The following AUTS2 variants were observed in gnomAD, a reference collection of about 807,000 sequenced individuals.
AUTS2 encodes autism susceptibility gene 2 protein.
In AUTS2, 17 loss-of-function variants were observed where a neutral mutation model predicts 112.4. The observed-to-expected ratio is 0.15, with a 90% confidence interval of 0.10 to 0.23. The LOEUF is 0.23. Ranked by LOEUF, AUTS2 falls within the 10% of genes least tolerant of loss-of-function variation. The pLI is 1.00. For synonymous variants in AUTS2, 751 were observed against 702.7 expected, an observed-to-expected ratio of 1.07 and a Z score of -1.09; for missense variants, 1,510 against 1,701.6, an observed-to-expected ratio of 0.89 and a Z score of 1.98.
intron 5 of AUTS2, among the ~76,000 whole-genome samples, chr7:70,695,554 C>G (rs955373337): frequency 6.6e-6 from 1 of 152,064 alleles, no homozygotes; most frequent in South Asian, 2.1e-4. Flanking sequence ...GTTCGAAAGC[C>G]CCCCTTCTCG....
chr7:70,362,644 G>A lies in AUTS2; in HGVS notation c.661-73108G>A, dbSNP rs114330988. On this transcript the variant is annotated intron_variant, in intron 4 of 18. Coordinates refer to ENST00000342771, the MANE Select transcript of AUTS2 (RefSeq NM_015570.4). Reference sequence around the variant, plus strand: ...CCTCCCTCCCTCTCTCCTTCCTCCCGTCCTCTCTTCCTTCCTCCCTCCCTT... The same window carrying A: ...CCTCCCTCCCTCTCTCCTTCCTCCCATCCTCTCTTCCTTCCTCCCTCCCTT... Among the ~76,000 whole-genome samples the A allele has an allele frequency of 7.9e-3, 1,149 of 146,038 alleles. 20 individuals carry two copies. The highest frequency in any genetic ancestry group is 0.028 in the African/African-American group (1,102 of 39,488).
chr7:70,285,621 T>C (rs942129733), intron 4 of AUTS2, among the ~76,000 whole-genome samples: 1 of 152,212 alleles, frequency 6.6e-6, no homozygotes, highest in African/African-American at 2.4e-5. Flanking sequence ...TTCAGCTGCT[T>C]CCATGTACTG....
chr7:70,745,778 A>G (rs1334807441), intron 6 of AUTS2, among the ~76,000 whole-genome samples: 6 of 152,222 alleles, frequency 3.9e-5, no homozygotes, highest in Non-Finnish European at 1.5e-5. Flanking sequence ...TATATTGAAA[A>G]TAGTTCCTTA....
chr7:70,684,330 C>A (rs988299075), intron 5 of AUTS2, among the ~76,000 whole-genome samples: 2 of 152,300 alleles, frequency 1.3e-5, no homozygotes, highest in East Asian at 3.9e-4. Context: ...AACCACAAAA[C>A]CTGGGAAGGT....
At chr7:70,095,875 C>G (rs1277622154) in intron 2 of AUTS2, among the ~76,000 whole-genome samples, 1 of 152,178 alleles carries the variant, frequency 6.6e-6, no homozygotes, top group Non-Finnish European at 1.5e-5. Flanking sequence ...TTGATCCATA[C>G]AGGAACTATA....
intron 4 of AUTS2, among the ~76,000 whole-genome samples, chr7:70,244,732 T>G (rs1812805374): frequency 6.6e-6 from 1 of 152,226 alleles, no homozygotes; most frequent in Admixed American, 6.5e-5. Flanking sequence ...TTGGATCATG[T>G]GAAAAATGAT....
chr7:70,766,193 T>C lies in AUTS2; in HGVS notation c.1548T>C (p.Pro516=), dbSNP rs200883638. The C allele has an allele frequency of 1.2e-6, 2 of 1,614,124 alleles. No individual in the cohort carries two copies. Among genetic ancestry groups the C allele is most frequent in the East Asian group, 4.5e-5 (2 of 44,862 alleles). Residue 516 remains proline (P), a synonymous_variant, in exon 9 of 19, where the codon CCT becomes CCC. Transcript: ENST00000342771. The surrounding 1 kb of genome is among the most constrained non-coding windows in gnomAD (Gnocchi z 4.8). ...QSADRGASLG[P]PPYLRTEFHQ... The stretch of plus-strand genomic sequence containing the variant: ...CTGACCGCGGGGCTTCCCTGGGCCC[T>C]CCGCCCTACCTGCGGACCGAGTTCC...
At chr7:70,607,639 T>C (rs1453976745) in intron 5 of AUTS2, among the ~76,000 whole-genome samples, 1 of 152,188 alleles carries the variant, frequency 6.6e-6, no homozygotes, top group Non-Finnish European at 1.5e-5. Context: ...GACGCTGCAG[T>C]TCAGCGTGCA....
In AUTS2 at chr7:69,897,828, G is replaced by T. The variant is rs534986713; in HGVS notation, c.310-1458G>T. Among the ~76,000 whole-genome samples the T allele has an allele frequency of 1.1e-4, 16 of 152,232 alleles. No individual in the cohort carries two copies. The East Asian group carries it at 3.1e-3, about 29-fold the overall frequency. ...AAGGCTCAAGGTCTCAGACTAATAG[G>T]AATGGCTGATTTGGGGAGAGATGTC... On this transcript the variant is annotated intron_variant, in intron 1 of 18. Coordinates refer to ENST00000342771, the MANE Select transcript of AUTS2 (RefSeq NM_015570.4).
intron 6 of AUTS2, among the ~76,000 whole-genome samples, chr7:70,733,157 G>C (rs1277629825): frequency 6.6e-6 from 1 of 152,116 alleles, no homozygotes; most frequent in Admixed American, 6.6e-5. Context: ...AAAAAAGTTA[G>C]GCTCCTGAGC....
At chr7:70,613,535 G>C (rs1271441406) in intron 5 of AUTS2, among the ~76,000 whole-genome samples, 1 of 152,140 alleles carries the variant, frequency 6.6e-6, no homozygotes, top group Non-Finnish European at 1.5e-5. Context: ...TCAGAGGCAG[G>C]CCACAGGAGA....
At chr7:70,146,422 GT>G (rs1456189769) in intron 4 of AUTS2, among the ~76,000 whole-genome samples, 4 of 151,880 alleles carry the variant, frequency 2.6e-5, no homozygotes, top group African/African-American at 4.8e-5. Flanking sequence ...TCTCCTGTAC[GT>G]TTGTGTTTGT....
intron 2 of AUTS2, among the ~76,000 whole-genome samples, chr7:69,951,520 G>A (rs1320012278): frequency 4.6e-5 from 7 of 152,182 alleles, no homozygotes; most frequent in African/African-American, 1.4e-4. Context: ...AGAGATAGTG[G>A]ACAGAAGCCA....
Position 70,364,373 on chromosome 7 carries a change from G to A in AUTS2, c.661-71379G>A, listed in dbSNP as rs1483481060. ...GGTCAGGAGATAAGAGAACATCCTG[G>A]CCAACATGGTGAAACCCAGTCTCTA... On this transcript the variant is annotated intron_variant, in intron 4 of 18. Coordinates refer to ENST00000342771, the MANE Select transcript of AUTS2 (RefSeq NM_015570.4). Among the ~76,000 whole-genome samples the A allele has an allele frequency of 2.6e-5, 4 of 151,846 alleles. No individual in the cohort carries two copies. The East Asian group carries it at 7.7e-4, about 29-fold the overall frequency.
intron 1 of AUTS2, among the ~76,000 whole-genome samples, chr7:69,746,883 G>C (rs1308663779): frequency 6.6e-6 from 1 of 152,158 alleles, no homozygotes; most frequent in Non-Finnish European, 1.5e-5. Flanking sequence ...ATGGGCATGG[G>C]ACACCATCAT....
intron 5 of AUTS2, among the ~76,000 whole-genome samples, chr7:70,554,069 CTT>C (rs35888704): frequency 9.2e-5 from 9 of 98,118 alleles, no homozygotes; most frequent in East Asian, 3.0e-4. Flanking sequence ...TGCACCTGGC[CTT>C]TTTTTTTTTT....
chr7:70,518,190 T>C (rs1799495058), intron 5 of AUTS2, among the ~76,000 whole-genome samples: 1 of 152,248 alleles, frequency 6.6e-6, no homozygotes, highest in South Asian at 2.1e-4. Flanking sequence ...TCTCCAAATG[T>C]ACTTCTAAAA....
At chr7:70,005,878 T>C (rs1799524452) in intron 2 of AUTS2, among the ~76,000 whole-genome samples, 1 of 152,232 alleles carries the variant, frequency 6.6e-6, no homozygotes, top group Non-Finnish European at 1.5e-5. Context: ...ATGTTTAGCA[T>C]ATGGGGCAAT....
At chr7:69,655,247 C>T (rs17140759) in intron 1 of AUTS2, among the ~76,000 whole-genome samples, 11,559 of 152,138 alleles carry the variant, frequency 0.076, 597 homozygotes, top group African/African-American at 0.14. Flanking sequence ...AAATCACAAC[C>T]GGCCGCTTAT....
Sources: gnomAD v4.1 joint callset for allele counts (sites outside exome capture counted in the v4.1 genomes callset) on GRCh38, gnomAD v4.1.1 for gene constraint, Gnocchi (gnomAD v3.1) non-coding constraint, MANE v1.5 for transcripts, NCBI Gene and HGNC (gene_info 2026-07-23, HGNC 2026-07-21) for gene names.